Variants in OSBPL10 observed in about 807,000 individuals in gnomAD.
OSBPL10 encodes oxysterol-binding protein-related protein 10.
OSBPL10 carries 49 observed loss-of-function variants against 81.7 expected under a neutral mutation model. The ratio of observed to expected loss-of-function variants is 0.60; its 90% CI spans 0.48 to 0.76. The LOEUF (loss-of-function observed/expected upper bound fraction) is 0.76, where lower values mean the gene tolerates loss of function less well. Among genes scored for constraint, OSBPL10 ranks in the 30% least tolerant of loss-of-function variants. The probability of loss-of-function intolerance (pLI) is 0.00; values close to 1 mark genes in which losing one functional copy is unlikely to be tolerated. For synonymous variants in OSBPL10, 419 were observed against 383.6 expected, an observed-to-expected ratio of 1.09 and a Z score of -1.08; for missense variants, 923 against 987.8, an observed-to-expected ratio of 0.93 and a Z score of 0.88.
intron 4 of OSBPL10, among the ~76,000 whole-genome samples, chr3:31,774,920 A>C (rs1294078224): frequency 6.6e-6 from 1 of 151,168 alleles, no homozygotes; most frequent in African/African-American, 2.4e-5. Flanking sequence ...TAATCCCAGC[A>C]CTTTGGGAGG....
chr3:31,918,730 G>T (rs1696828187), intron 1 of OSBPL10, among the ~76,000 whole-genome samples: 1 of 152,166 alleles, frequency 6.6e-6, no homozygotes, highest in African/African-American at 2.4e-5. Context: ...CCTGTGCCAT[G>T]TGGAATGCAG....
chr3:31,839,513 A>G (rs1402758754), intron 3 of OSBPL10, among the ~76,000 whole-genome samples: 1 of 152,176 alleles, frequency 6.6e-6, no homozygotes, highest in Non-Finnish European at 1.5e-5. Context: ...CAGGGATAGA[A>G]AAAAAGAAAA....
At chr3:32,049,550 C>T (rs993152389) in intron 1 of OSBPL10, among the ~76,000 whole-genome samples, 3 of 152,034 alleles carry the variant, frequency 2.0e-5, no homozygotes, top group African/African-American at 7.2e-5. Context: ...GAGGCAAGAC[C>T]CAAATTAGGA....
intron 4 of OSBPL10, among the ~76,000 whole-genome samples, chr3:31,749,807 G>T (rs771820281): frequency 4.7e-5 from 7 of 149,418 alleles, no homozygotes; most frequent in African/African-American, 1.5e-4. Flanking sequence ...AGAGTGAGAC[G>T]CCATCTCAAA....
At chr3:31,852,764 C>T (rs573548243) in intron 3 of OSBPL10, among the ~76,000 whole-genome samples, 62 of 151,694 alleles carry the variant, frequency 4.1e-4, no homozygotes, top group African/African-American at 1.4e-3. Context: ...ATTTTAGTAG[C>T]GACGGGGTTT....
intron 1 of OSBPL10, among the ~76,000 whole-genome samples, chr3:31,890,980 A>G (rs935562409): frequency 6.6e-5 from 10 of 152,008 alleles, no homozygotes; most frequent in African/African-American, 2.4e-4. Flanking sequence ...TGGGTGAGCA[A>G]CCCCAGTTTA....
chr3:31,752,783 T>C (rs1575522019), intron 4 of OSBPL10, among the ~76,000 whole-genome samples: 1 of 152,338 alleles, frequency 6.6e-6, no homozygotes, highest in African/African-American at 2.4e-5. Flanking sequence ...GTAAACCCTG[T>C]GCAGTTTCAG....
At chr3:31,666,514 A>G (rs1700194085) in intron 10 of OSBPL10, among the ~76,000 whole-genome samples, 1 of 152,142 alleles carries the variant, frequency 6.6e-6, no homozygotes. Flanking sequence ...TGGGAGAGTG[A>G]ACACAGGTGC....
At chr3:31,925,749 G>C (rs1237227568) in intron 1 of OSBPL10, among the ~76,000 whole-genome samples, 2 of 152,054 alleles carry the variant, frequency 1.3e-5, no homozygotes, top group East Asian at 3.9e-4. Context: ...GGAGACGGAG[G>C]TTGCAGTGAG....
At chr3:32,070,413 A>G (rs1056378731) in intron 1 of OSBPL10, among the ~76,000 whole-genome samples, 2 of 152,126 alleles carry the variant, frequency 1.3e-5, no homozygotes, top group African/African-American at 4.8e-5. Flanking sequence ...TTCCTGGACT[A>G]CAGTCACATC....
At chr3:31,716,354 T>C (rs1178253942) in intron 6 of OSBPL10, among the ~76,000 whole-genome samples, 1 of 152,242 alleles carries the variant, frequency 6.6e-6, no homozygotes, top group African/African-American at 2.4e-5. Flanking sequence ...TTAACTATAA[T>C]GACATTATTG....
intron 4 of OSBPL10, among the ~76,000 whole-genome samples, chr3:31,807,047 A>G (rs569846961): frequency 3.0e-4 from 46 of 152,316 alleles, no homozygotes; most frequent in African/African-American, 1.1e-3. Flanking sequence ...AATCCACTGG[A>G]GCTTTTTAAC....
chr3:31,924,393 G>A (rs972379755), intron 1 of OSBPL10, among the ~76,000 whole-genome samples: 11 of 152,008 alleles, frequency 7.2e-5, no homozygotes, highest in African/African-American at 1.2e-4. Flanking sequence ...CAGCCTCTCC[G>A]GGCAGCACCT....
chr3:31,886,938 CA>C (rs5847726), intron 1 of OSBPL10, among the ~76,000 whole-genome samples: 37,808 of 141,862 alleles, frequency 0.27, 4,967 homozygotes, highest in African/African-American at 0.34. Flanking sequence ...GACTCCATCT[CA>C]AAAAAAAAAA....
chr3:31,722,439 G>T (rs1247315432), intron 6 of OSBPL10, among the ~76,000 whole-genome samples: 2 of 152,086 alleles, frequency 1.3e-5, no homozygotes, highest in East Asian at 3.9e-4. Context: ...AATGGGCAAG[G>T]ATTTTCCCAT....
At chr3:32,045,556 C>T (rs1699613052) in intron 2 of OSBPL10, among the ~76,000 whole-genome samples, 1 of 152,148 alleles carries the variant, frequency 6.6e-6, no homozygotes, top group African/African-American at 2.4e-5. Context: ...CTTGGCTTTC[C>T]ACCTAAAGGG....
At chr3:31,756,041 C>T (rs1442190825) in intron 4 of OSBPL10, among the ~76,000 whole-genome samples, 1 of 152,172 alleles carries the variant, frequency 6.6e-6, no homozygotes, top group Admixed American at 6.5e-5. Flanking sequence ...TACTGAGATC[C>T]TCAAGAAATG....
At chr3:31,967,875 A>G (rs908748680) in intron 1 of OSBPL10, among the ~76,000 whole-genome samples, 6 of 152,232 alleles carry the variant, frequency 3.9e-5, no homozygotes, top group Admixed American at 1.3e-4. Flanking sequence ...CCACATTAGA[A>G]GACTAGAATT....
At chr3:31,883,529 T>G (rs1575598261) in intron 1 of OSBPL10, among the ~76,000 whole-genome samples, 1 of 122,616 alleles carries the variant, frequency 8.2e-6, no homozygotes, top group East Asian at 2.5e-4. Flanking sequence ...CATGAGCCTG[T>G]TTTTTTTTTG....
Sources: gnomAD v4.1 joint callset for allele counts (sites outside exome capture counted in the v4.1 genomes callset) on GRCh38, gnomAD v4.1.1 for gene constraint, MANE v1.5 for transcripts, NCBI Gene and HGNC (gene_info 2026-07-23, HGNC 2026-07-21) for gene names.